The following SPATA16 variants were observed in gnomAD, a reference collection of about 807,000 sequenced individuals.
The protein encoded by SPATA16 is spermatogenesis associated 16, also known as spermatogenesis-associated protein 16.
SPATA16 carries 36 observed loss-of-function variants against 63.3 expected under a neutral mutation model. That is an observed-to-expected ratio of 0.57 (90% CI 0.44 to 0.75). The LOEUF (loss-of-function observed/expected upper bound fraction) is 0.75, where lower values mean the gene tolerates loss of function less well. Among genes scored for constraint, SPATA16 ranks in the 30% least tolerant of loss-of-function variants. The pLI is 0.00. For missense variants in SPATA16, 646 were observed against 679.3 expected, an observed-to-expected ratio of 0.95 and a Z score of 0.54; for synonymous variants, 203 against 216.7, an observed-to-expected ratio of 0.94 and a Z score of 0.56.
At position 172,890,477 on chromosome 3, in the gene SPATA16, C is replaced by T. The variant is rs988085626; in HGVS notation, c.1588-785G>A. ...GGACCTGCATATTGTATTAGCCTAA[C>T]ATTACTCACTGAAGAGCTCATTGTC... is the stretch of plus-strand genomic sequence containing the variant. On this transcript the variant is annotated intron_variant, in intron 10 of 10. Transcript: ENST00000351008. Among the ~76,000 whole-genome samples, 161 of 152,158 alleles carry T rather than the reference C, an allele frequency of 1.1e-3. 3 individuals are homozygous for T. Among genetic ancestry groups the T allele is most frequent in the Admixed American group, 0.011 (161 of 15,268 alleles).
At chr3:173,119,046 G>A (rs572354239) in intron 1 of SPATA16, among the ~76,000 whole-genome samples, 3 of 152,064 alleles carry the variant, frequency 2.0e-5, no homozygotes, top group East Asian at 1.9e-4. Flanking sequence ...GTAGTTTGCC[G>A]AAGAAGACCC....
intron 1 of SPATA16, among the ~76,000 whole-genome samples, chr3:173,122,401 A>G (rs1029311697): frequency 6.6e-6 from 1 of 152,134 alleles, no homozygotes; most frequent in Admixed American, 6.6e-5. Flanking sequence ...TATTTATTAA[A>G]TTTTTGGTTG....
intron 2 of SPATA16, among the ~76,000 whole-genome samples, chr3:173,080,815 C>T (rs1736905887): frequency 6.6e-6 from 1 of 152,130 alleles, no homozygotes; most frequent in Non-Finnish European, 1.5e-5. Flanking sequence ...TCTGAAAGTC[C>T]TGCCTTTTGC....
In SPATA16 at chr3:173,092,014, C is replaced by G. The variant is rs79293890; in HGVS notation, c.612+25106G>C. 2.1e-3 allele frequency among the ~76,000 whole-genome samples: 320 copies of G among 152,246 alleles called. 4 individuals are homozygous for G. The highest frequency in any genetic ancestry group is 5.6e-3 in the East Asian group (29 of 5,160). ...ATGCTTACTGCCCACTATAAAAGAT[C>G]TAGGTTACCTAAGCTTGAAGTTCCT... On this transcript the variant is annotated intron_variant, in intron 2 of 10. Transcript: ENST00000351008.
intron 6 of SPATA16, among the ~76,000 whole-genome samples, chr3:172,933,847 A>G (rs913234177): frequency 6.6e-6 from 1 of 152,172 alleles, no homozygotes; most frequent in African/African-American, 2.4e-5. Flanking sequence ...CTTACAAATA[A>G]TATAGGATCC....
chr3:173,117,516 T>G lies in SPATA16; in HGVS notation c.216A>C (p.Lys72Asn). 1 of 1,614,156 alleles carries G rather than the reference T, an allele frequency of 6.2e-7. No individual in the cohort carries two copies. Among genetic ancestry groups the G allele is most frequent in the Non-Finnish European group, 8.5e-7 (1 of 1,180,004 alleles). ...RTKMTKGIKE[K>N]QSNDLEKAAF... Reference sequence around the variant, plus strand: ...CTGCTTTCTCTAAATCATTGCTTTGTTTTTCTTTGATGCCCTTTGTCATTT... The same window carrying G: ...CTGCTTTCTCTAAATCATTGCTTTGGTTTTCTTTGATGCCCTTTGTCATTT... Residue 72 changes from lysine (K) to asparagine (N), a missense_variant, in exon 2 of 11, where the codon AAA becomes AAC. Transcript: ENST00000351008.
chr3:172,900,562 C>G (rs1243487520), intron 10 of SPATA16, among the ~76,000 whole-genome samples: 2 of 152,142 alleles, frequency 1.3e-5, no homozygotes, highest in African/African-American at 4.8e-5. Flanking sequence ...TCTGTTATTA[C>G]AGTCTTACAG....
At chr3:173,061,388 C>T (rs568528075) in intron 2 of SPATA16, among the ~76,000 whole-genome samples, 4 of 152,186 alleles carry the variant, frequency 2.6e-5, no homozygotes, top group East Asian at 1.9e-4. Context: ...TTTTATCTGC[C>T]GTTCTTTCTT....
chr3:172,962,175 C>G (rs1029074135), intron 5 of SPATA16, among the ~76,000 whole-genome samples: 2 of 147,594 alleles, frequency 1.4e-5, no homozygotes, highest in Admixed American at 1.4e-4. Context: ...ATTGCTTGAG[C>G]CCAGGAAGTG....
intron 2 of SPATA16, among the ~76,000 whole-genome samples, chr3:173,087,292 C>T (rs1737083123): frequency 6.6e-6 from 1 of 152,094 alleles, no homozygotes; most frequent in Non-Finnish European, 1.5e-5. Flanking sequence ...CCGTCTTTGT[C>T]TTTTTTGATC....
chr3:172,974,050 C>T (rs1326545208), intron 5 of SPATA16, among the ~76,000 whole-genome samples: 2 of 152,150 alleles, frequency 1.3e-5, no homozygotes, highest in Non-Finnish European at 2.9e-5. Flanking sequence ...TTATGCCTTT[C>T]TTTTCCTTGC....
At chr3:173,128,134 G>T (rs1738275134) in intron 1 of SPATA16, among the ~76,000 whole-genome samples, 2 of 152,112 alleles carry the variant, frequency 1.3e-5, no homozygotes, top group South Asian at 4.1e-4. Flanking sequence ...ATATTTAGTG[G>T]CAATGGCAGG....
chr3:173,092,298 A>G (rs1335319440), intron 2 of SPATA16, among the ~76,000 whole-genome samples: 2 of 152,214 alleles, frequency 1.3e-5, no homozygotes, highest in Non-Finnish European at 2.9e-5. Context: ...AATTGAGAAG[A>G]AAGCAATTTA....
intron 10 of SPATA16, among the ~76,000 whole-genome samples, chr3:172,912,642 C>T (rs895294595): frequency 2.6e-5 from 4 of 152,004 alleles, no homozygotes; most frequent in Non-Finnish European, 5.9e-5. Context: ...AATATATTTT[C>T]TCTTCATTAT....
intron 10 of SPATA16, among the ~76,000 whole-genome samples, chr3:172,910,751 G>A (rs1011766749): frequency 2.3e-4 from 35 of 152,228 alleles, no homozygotes; most frequent in African/African-American, 8.4e-4. Flanking sequence ...TGCTCCTCAA[G>A]GCCCTCTTCT....
chr3:173,091,046 GA>G (rs146322941), intron 2 of SPATA16, among the ~76,000 whole-genome samples: 9 of 151,150 alleles, frequency 6.0e-5, no homozygotes, highest in Admixed American at 3.3e-4. Context: ...CAGCTTCTGG[GA>G]AAAAAAAAGT....
intron 1 of SPATA16, among the ~76,000 whole-genome samples, chr3:173,134,142 T>TAA (rs1467717068): frequency 6.6e-6 from 1 of 152,140 alleles, no homozygotes; most frequent in African/African-American, 2.4e-5. Flanking sequence ...CTGAAAAGAA[T>TAA]AAAAAGTCCA....
chr3:172,980,459 A>C (rs546703924), intron 4 of SPATA16, among the ~76,000 whole-genome samples: 1 of 152,304 alleles, frequency 6.6e-6, no homozygotes, highest in African/African-American at 2.4e-5. Context: ...TCATTAATGT[A>C]CTGAATGTTG....
intron 1 of SPATA16, among the ~76,000 whole-genome samples, chr3:173,120,979 C>T (rs2108340091): frequency 6.6e-6 from 1 of 152,238 alleles, no homozygotes; most frequent in South Asian, 2.1e-4. Context: ...ATAGAGCACT[C>T]AGAGGGAATA....
Sources: allele counts gnomAD v4.1 joint callset (sites outside exome capture counted in the v4.1 genomes callset), GRCh38; gene constraint gnomAD v4.1.1; transcripts MANE v1.5; gene names NCBI Gene and HGNC (gene_info 2026-07-23, HGNC 2026-07-21).